PLD5: variants seen among roughly 807,000 people sequenced by gnomAD.
PLD5 encodes inactive phospholipase D5.
In PLD5, 36 loss-of-function variants were observed where a neutral mutation model predicts 61.1. The ratio of observed to expected loss-of-function variants is 0.59; its 90% CI spans 0.45 to 0.78. PLD5 has a LOEUF of 0.78. Among genes scored for constraint, PLD5 ranks in the 30% least tolerant of loss-of-function variants. PLD5 has a pLI of 0.00. For synonymous variants in PLD5, 243 were observed against 242.8 expected (o/e 1.00, Z -0.01); for missense variants, 515 against 644.4 (o/e 0.80, Z 2.17).
chr1:242,352,107 AATT>A (rs1660511097), intron 1 of PLD5, among the ~76,000 whole-genome samples: 1 of 152,164 alleles, frequency 6.6e-6, no homozygotes, highest in Admixed American at 6.5e-5. Flanking sequence ...TACAGTACTC[AATT>A]ATTATCTATA....
intron 1 of PLD5, among the ~76,000 whole-genome samples, chr1:242,451,985 T>C (rs997655920): frequency 2.6e-5 from 4 of 152,040 alleles, no homozygotes; most frequent in African/African-American, 9.7e-5. Flanking sequence ...CCAGGGATGG[T>C]TTTTATTGTT....
chr1:242,477,337 G>C lies in PLD5; in HGVS notation c.189+46751C>G, dbSNP rs78413630. Among the ~76,000 whole-genome samples the C allele has an allele frequency of 2.3e-3, 351 of 152,298 alleles. 10 individuals are homozygous for C. In the East Asian group the frequency reaches 0.061, roughly 26 times the overall value. Reference sequence around the variant, plus strand: ...CATGGTGTTGTTAGCTGAGTTTTAAGAACACGATACTCCTCACTGATCATA... The same window carrying C: ...CATGGTGTTGTTAGCTGAGTTTTAACAACACGATACTCCTCACTGATCATA... On this transcript the variant is annotated intron_variant, in intron 1 of 9. Coordinates refer to ENST00000536534, the MANE Select transcript of PLD5 (RefSeq NM_001372062.1).
intron 8 of PLD5, among the ~76,000 whole-genome samples, chr1:242,104,911 C>T (rs1250496340): frequency 6.6e-6 from 1 of 152,226 alleles, no homozygotes; most frequent in Admixed American, 6.5e-5. Flanking sequence ...GAATCTAACA[C>T]ATTCCTTCAC....
At chr1:242,384,633 TACAA>T (rs1558515649) in intron 1 of PLD5, among the ~76,000 whole-genome samples, 1 of 152,222 alleles carries the variant, frequency 6.6e-6, no homozygotes, top group Admixed American at 6.5e-5. Context: ...CTGCCTTGGA[TACAA>T]ACAATCTACG....
At chr1:242,112,136 C>T (rs76557541) in intron 7 of PLD5, among the ~76,000 whole-genome samples, 2,534 of 152,036 alleles carry the variant, frequency 0.017, 65 homozygotes, top group African/African-American at 0.056. Context: ...ACCCCTATTA[C>T]GTTTTGAAAC....
chr1:242,413,487 T>G (rs910830845), intron 1 of PLD5, among the ~76,000 whole-genome samples: 5 of 152,188 alleles, frequency 3.3e-5, no homozygotes, highest in Non-Finnish European at 5.9e-5. Flanking sequence ...ATGTTATATA[T>G]AGAGATATAT....
At chr1:242,401,552 A>G (rs1376785445) in intron 1 of PLD5, among the ~76,000 whole-genome samples, 2 of 152,100 alleles carry the variant, frequency 1.3e-5, no homozygotes, top group African/African-American at 2.4e-5. Flanking sequence ...TTCCCACCTC[A>G]GCATTCTTCA....
chr1:242,485,239 T>G (rs1453393124), intron 1 of PLD5, among the ~76,000 whole-genome samples: 1 of 152,096 alleles, frequency 6.6e-6, no homozygotes, highest in African/African-American at 2.4e-5. Flanking sequence ...AAATAAAGGG[T>G]ATTCAATTAG....
intron 5 of PLD5, among the ~76,000 whole-genome samples, chr1:242,129,402 C>T (rs1404807978): frequency 2.6e-5 from 4 of 152,114 alleles, no homozygotes; most frequent in African/African-American, 9.7e-5. Flanking sequence ...TCTAGTTTTA[C>T]GTATTAGTTC....
rs552864838 is a variant in PLD5 at position 242,229,900 on chromosome 1, AT to A, written c.608-9786del. Reference sequence around the variant, plus strand: ...TGTCACTGGTAAGACCTCTAAAAAAATATTGATAAAAAAAAAAAAAAGCTGT... The same window carrying A: ...TGTCACTGGTAAGACCTCTAAAAAAAATTGATAAAAAAAAAAAAAAGCTGT... On this transcript the variant is annotated intron_variant, in intron 4 of 9. Transcript: ENST00000536534. 7.2e-3 allele frequency among the ~76,000 whole-genome samples: 1,025 copies of A among 141,486 alleles called. 5 individuals carry two copies. Among genetic ancestry groups the A allele is most frequent in the South Asian group, 0.013 (55 of 4,300 alleles). The allele number at this position is 141,486 out of a possible 152,430, so 92.8% of individuals were successfully genotyped here. A position where few individuals can be genotyped will look rare whatever the true frequency, so the allele number is the denominator to read the frequency against.
intron 1 of PLD5, among the ~76,000 whole-genome samples, chr1:242,481,507 G>A (rs1164323239): frequency 6.6e-6 from 1 of 152,208 alleles, no homozygotes; most frequent in Non-Finnish European, 1.5e-5. Flanking sequence ...CAGTGAGGCT[G>A]GGGGAGGGGC....
chr1:242,313,865 A>G (rs1676849410), intron 2 of PLD5, among the ~76,000 whole-genome samples: 1 of 152,098 alleles, frequency 6.6e-6, no homozygotes, highest in Non-Finnish European at 1.5e-5. Context: ...TGCTGGGTGC[A>G]ACAGCATCAG....
chr1:242,410,957 G>GA (rs11389251), intron 1 of PLD5, among the ~76,000 whole-genome samples: 39,631 of 146,456 alleles, frequency 0.27, 5,635 homozygotes, highest in African/African-American at 0.39. Context: ...ACCAATAATC[G>GA]AAAAAAAAAA....
intron 1 of PLD5, among the ~76,000 whole-genome samples, chr1:242,395,025 GT>G (rs1663454149): frequency 6.4e-5 from 4 of 62,092 alleles, no homozygotes; most frequent in African/African-American, 2.2e-4. Flanking sequence ...GAATATATAT[GT>G]ATATATGAAT....
chr1:242,309,433 G>A (rs1360238165), intron 2 of PLD5, among the ~76,000 whole-genome samples: 1 of 150,066 alleles, frequency 6.7e-6, no homozygotes, highest in Admixed American at 6.6e-5. Context: ...TGTTGCCCAA[G>A]CTGGAGTGCA....
intron 1 of PLD5, among the ~76,000 whole-genome samples, chr1:242,390,656 G>A (rs1238505039): frequency 1.3e-5 from 2 of 152,108 alleles, no homozygotes; most frequent in African/African-American, 4.8e-5. Flanking sequence ...CTGATTCCAT[G>A]TTAGTACTGT....
rs74636930 is a variant in PLD5, at chr1:242,505,234, T to C, written c.189+18854A>G. ...ACTGGTGGTTTGAAGCTGTTCCCCC[T>C]AAAAAACTGTCAAGTGAATCACCAC... is the stretch of plus-strand genomic sequence containing the variant. On this transcript the variant is annotated intron_variant, in intron 1 of 9. Coordinates refer to ENST00000536534, the MANE Select transcript of PLD5 (RefSeq NM_001372062.1). 6.7e-3 allele frequency among the ~76,000 whole-genome samples: 1,021 copies of C among 152,274 alleles called. 13 individuals are homozygous for C. The highest frequency in any genetic ancestry group is 0.023 in the African/African-American group (963 of 41,562).
At chr1:242,418,249 C>G (rs556863812) in intron 1 of PLD5, among the ~76,000 whole-genome samples, 1 of 152,188 alleles carries the variant, frequency 6.6e-6, no homozygotes, top group African/African-American at 2.4e-5. Flanking sequence ...ATAGACTTCC[C>G]ATTAATGAGA....
chr1:242,414,324 T>C (rs569084881), intron 1 of PLD5, among the ~76,000 whole-genome samples: 12 of 152,326 alleles, frequency 7.9e-5, no homozygotes, highest in African/African-American at 2.6e-4. Flanking sequence ...TTATTAAATC[T>C]CAAAGGCAAT....
Sources: allele counts gnomAD v4.1 joint callset (sites outside exome capture counted in the v4.1 genomes callset), GRCh38; gene constraint gnomAD v4.1.1; transcripts MANE v1.5; gene names NCBI Gene and HGNC (gene_info 2026-07-23, HGNC 2026-07-21).